Variants in ARL3 observed in about 807,000 individuals in gnomAD.
The protein encoded by ARL3 is ARF like GTPase 3.
A neutral mutation model predicts 26.0 loss-of-function variants in ARL3; 9 were observed. That is an observed-to-expected ratio of 0.35 (90% confidence interval 0.21 to 0.60). ARL3 has a LOEUF of 0.60. Among genes scored for constraint, ARL3 ranks in the 20% least tolerant of loss-of-function variants. The pLI, the probability that ARL3 is intolerant of heterozygous loss-of-function variation, is 0.78. For synonymous variants in ARL3, 71 were observed against 78.4 expected (o/e 0.91, Z 0.50); for missense variants, 158 against 215.7 (o/e 0.73, Z 1.67).
At chr10:102,698,916 G>C (rs1432904579) in intron 3 of ARL3, among the ~76,000 whole-genome samples, 1 of 152,154 alleles carries the variant, frequency 6.6e-6, no homozygotes, top group African/African-American at 2.4e-5. Context: ...GATAATTCTT[G>C]AAGCAGCCTA....
intron 5 of ARL3, among the ~76,000 whole-genome samples, chr10:102,678,652 T>C (rs902586448): frequency 1.3e-5 from 2 of 152,228 alleles, no homozygotes; most frequent in Non-Finnish European, 1.5e-5. Flanking sequence ...GCCCACACTA[T>C]GTGAATAGCG....
rs535028044 is a variant in ARL3 at position 102,712,272 on chromosome 10, C to T, written c.3+2001G>A. Among the ~76,000 whole-genome samples the T allele has an allele frequency of 3.0e-3, 452 of 152,180 alleles. 1 individual carries two copies. Among genetic ancestry groups the T allele is most frequent in the African/African-American group, 0.011 (443 of 41,522 alleles). The stretch of plus-strand genomic sequence containing the variant: ...CAAAAACCAAAAAAACCTTGGGGTT[C>T]ACGCTTCAGTTGTACAGTTAACCAT... On this transcript the variant is annotated intron_variant, in intron 1 of 5. Transcript: ENST00000260746.
intron 1 of ARL3, among the ~76,000 whole-genome samples, chr10:102,712,031 T>C (rs2064344404): frequency 6.6e-6 from 1 of 152,126 alleles, no homozygotes; most frequent in Non-Finnish European, 1.5e-5. Context: ...CATAAATAAT[T>C]ACTGAATGAA....
intron 5 of ARL3, among the ~76,000 whole-genome samples, chr10:102,681,495 G>A (rs2135995923): frequency 6.6e-6 from 1 of 152,244 alleles, no homozygotes; most frequent in South Asian, 2.1e-4. Context: ...AGCATTTAGT[G>A]TTCCTCTGGA....
chr10:102,690,526 T>A (rs565403004), intron 3 of ARL3, among the ~76,000 whole-genome samples: 2 of 152,212 alleles, frequency 1.3e-5, no homozygotes, highest in East Asian at 3.9e-4. Flanking sequence ...CCTCAAGTGA[T>A]CCACCTGCCT....
At chr10:102,687,479 G>A (rs910502805) in intron 4 of ARL3, among the ~76,000 whole-genome samples, 3 of 151,852 alleles carry the variant, frequency 2.0e-5, no homozygotes, top group African/African-American at 4.8e-5. Flanking sequence ...TGAGGTGGGC[G>A]GAGTTCGAGA....
chr10:102,679,181 A>C (rs1474584541), intron 5 of ARL3, among the ~76,000 whole-genome samples: 1 of 152,204 alleles, frequency 6.6e-6, no homozygotes, highest in Non-Finnish European at 1.5e-5. Context: ...GGCATTGGCC[A>C]ACAATGGTAC....
chr10:102,687,688 G>GA (rs199765944), intron 4 of ARL3, among the ~76,000 whole-genome samples: 24 of 150,544 alleles, frequency 1.6e-4, no homozygotes, highest in Non-Finnish European at 3.3e-4. Context: ...ATTCTGCCTG[G>GA]AAAAAAAAAA....
At chr10:102,705,594 G>T in intron 1 of ARL3, 105 bp from the exon 2 acceptor site, 1 of 1,159,320 alleles carries the variant, frequency 8.6e-7, no homozygotes, top group Non-Finnish European at 1.1e-6. Flanking sequence ...GTTATGGAGA[G>T]CTTATGTTAT....
intron 1 of ARL3, among the ~76,000 whole-genome samples, chr10:102,712,555 A>C (rs1005838549): frequency 2.0e-5 from 3 of 152,228 alleles, no homozygotes; most frequent in African/African-American, 7.2e-5. Flanking sequence ...TATACACTGT[A>C]AATTTGTTGT....
intron 5 of ARL3, among the ~76,000 whole-genome samples, chr10:102,680,775 AGAT>A (rs2064152815): frequency 6.6e-6 from 1 of 152,174 alleles, no homozygotes; most frequent in Admixed American, 6.5e-5. Context: ...AATTGCTTTA[AGAT>A]GATGAGGTGC....
At chr10:102,686,969 G>A (rs537067309) in intron 4 of ARL3, among the ~76,000 whole-genome samples, 4 of 139,882 alleles carry the variant, frequency 2.9e-5, no homozygotes, top group East Asian at 4.5e-4. Flanking sequence ...TCCGCCTCCC[G>A]GGTTCAAGCA....
At chr10:102,692,221 A>C (rs2064221786) in intron 3 of ARL3, among the ~76,000 whole-genome samples, 1 of 152,176 alleles carries the variant, frequency 6.6e-6, no homozygotes, top group African/African-American at 2.4e-5. Flanking sequence ...GGAGACCAGA[A>C]AGTTTCTGAG....
rs115008140 is a variant in ARL3, at chr10:102,676,312, G to C, written c.*582C>G. 1.3e-5 allele frequency: 2 copies of C among 150,106 alleles called. No homozygotes were observed. The highest frequency in any genetic ancestry group is 2.9e-5 in the Non-Finnish European group (2 of 67,818). 9.3% of individuals were successfully genotyped at this position (150,106 alleles called of 1,614,324 possible). The stretch of plus-strand genomic sequence containing the variant: ...AGTGAGGATTACATACGTAGTCTCC[G>C]ACCTGCAAGACGATGAGATGGTTTA... On this transcript the variant is annotated 3_prime_UTR_variant, in exon 6 of 6. Coordinates refer to ENST00000260746, the MANE Select transcript of ARL3 (RefSeq NM_004311.4).
intron 3 of ARL3, among the ~76,000 whole-genome samples, chr10:102,696,267 AT>A (rs370113114): frequency 0.037 from 4,986 of 133,514 alleles, 130 homozygotes; most frequent in Middle Eastern, 0.11. Flanking sequence ...CCTGGCCAAC[AT>A]TTTTTTTTTT....
chr10:102,686,866 CTTTTTTTTTTTTTTTTT>C (rs59400726), intron 4 of ARL3, among the ~76,000 whole-genome samples: 2 of 59,632 alleles, frequency 3.4e-5, no homozygotes, highest in Admixed American at 2.6e-4. Flanking sequence ...CAGGAATTTA[CTTTTTTTTTTTTTTTTT>C]TTTTTTTTTT....
At position 102,674,310 on chromosome 10, in the gene ARL3, C is replaced by T. The variant is rs1396325112; in HGVS notation, c.*2584G>A. On this transcript the variant is annotated 3_prime_UTR_variant, in exon 6 of 6. Transcript: ENST00000260746. ...CCAGCTCAGCCCACATCAATGACAC[C>T]CTTGTTTCCATAGTAACCAAGGGAG... The T allele has an allele frequency of 1.3e-5, 2 of 152,226 alleles. No individual in the cohort carries two copies. The highest frequency in any genetic ancestry group is 2.9e-5 in the Non-Finnish European group (2 of 68,074). 9.4% of individuals were successfully genotyped at this position (152,226 alleles called of 1,614,324 possible).
chr10:102,686,610 G>A (rs1203353882), intron 4 of ARL3, among the ~76,000 whole-genome samples: 3 of 151,330 alleles, frequency 2.0e-5, no homozygotes, highest in Non-Finnish European at 2.9e-5. Context: ...GACTGCAGGT[G>A]CACACTACCA....
intron 5 of ARL3, among the ~76,000 whole-genome samples, chr10:102,680,671 T>A (rs189044021): frequency 1.3e-5 from 2 of 152,274 alleles, no homozygotes; most frequent in Admixed American, 1.3e-4. Flanking sequence ...GTACATTGCA[T>A]CCATCACTGC....
Sources: allele counts gnomAD v4.1 joint callset (sites outside exome capture counted in the v4.1 genomes callset), GRCh38; gene constraint gnomAD v4.1.1; transcripts MANE v1.5; gene names NCBI Gene and HGNC (gene_info 2026-07-23, HGNC 2026-07-21).